The following TMEM132C variants were observed in gnomAD, a reference collection of about 807,000 sequenced individuals.
TMEM132C encodes transmembrane protein 132C, also known as protein phosphatase 1, regulatory subunit 152.
A neutral mutation model predicts 61.4 loss-of-function variants in TMEM132C; 29 were observed. The observed-to-expected ratio is 0.47, with a 90% CI of 0.35 to 0.64. The LOEUF is 0.64. Among genes scored for constraint, TMEM132C ranks in the 30% least tolerant of loss-of-function variants. TMEM132C has a pLI of 0.00. For missense variants in TMEM132C, 1,408 were observed against 1,476.9 expected (o/e 0.95, Z 0.76); for synonymous variants, 656 against 633.1 (o/e 1.04, Z -0.54).
At chr12:128,366,133 C>T (rs891512678) in intron 1 of TMEM132C, among the ~76,000 whole-genome samples, 6 of 152,172 alleles carry the variant, frequency 3.9e-5, no homozygotes, top group South Asian at 2.1e-4. Context: ...GGCGCCTGCT[C>T]GGCCTCCAGC....
intron 3 of TMEM132C, among the ~76,000 whole-genome samples, chr12:128,607,838 G>A (rs1432590509): frequency 1.3e-5 from 2 of 152,162 alleles, no homozygotes; most frequent in Non-Finnish European, 2.9e-5. Context: ...GTGGTTTTGA[G>A]AGCATAAATC....
intron 2 of TMEM132C, among the ~76,000 whole-genome samples, chr12:128,520,917 G>A (rs1048757801): frequency 2.6e-5 from 4 of 151,856 alleles, no homozygotes; most frequent in African/African-American, 7.2e-5. Flanking sequence ...GTTTGTTCCC[G>A]TGTGTTTTCT....
intron 2 of TMEM132C, among the ~76,000 whole-genome samples, chr12:128,453,834 T>C (rs1330346107): frequency 4.6e-5 from 7 of 152,152 alleles, no homozygotes; most frequent in Non-Finnish European, 1.0e-4. Flanking sequence ...TCTTTGGCCA[T>C]CTATAGAAAG....
intron 1 of TMEM132C, among the ~76,000 whole-genome samples, chr12:128,367,782 C>T (rs1421704040): frequency 6.6e-6 from 1 of 151,776 alleles, no homozygotes; most frequent in African/African-American, 2.4e-5. Flanking sequence ...ATAGTGATTA[C>T]ATGTTCAAAT....
chr12:128,515,606 G>T (rs899807612), intron 2 of TMEM132C, among the ~76,000 whole-genome samples: 7 of 152,194 alleles, frequency 4.6e-5, no homozygotes, highest in African/African-American at 1.7e-4. Flanking sequence ...GGCCGAGGCG[G>T]GTGGATCACG....
intron 3 of TMEM132C, among the ~76,000 whole-genome samples, chr12:128,604,828 AATAG>A (rs1017931162): frequency 2.1e-4 from 27 of 129,154 alleles, no homozygotes; most frequent in African/African-American, 4.6e-4. Flanking sequence ...ATGGATGGAT[AATAG>A]ATGGATAGAT....
intron 8 of TMEM132C, among the ~76,000 whole-genome samples, chr12:128,697,953 A>G (rs994124625): frequency 1.3e-5 from 2 of 152,014 alleles, no homozygotes; most frequent in Non-Finnish European, 2.9e-5. Context: ...GCTCTTTCTC[A>G]TTTTCATACC....
intron 2 of TMEM132C, among the ~76,000 whole-genome samples, chr12:128,509,721 T>C (rs894220173): frequency 2.0e-5 from 3 of 151,754 alleles, no homozygotes; most frequent in African/African-American, 7.3e-5. Flanking sequence ...CTGGGGAAAA[T>C]TCCAGAAGGT....
At chr12:128,612,800 A>C (rs1013925434) in intron 3 of TMEM132C, among the ~76,000 whole-genome samples, 5 of 152,226 alleles carry the variant, frequency 3.3e-5, no homozygotes, top group African/African-American at 1.2e-4. Flanking sequence ...TTTCAAGCCA[A>C]AAGGAAAAAT....
At chr12:128,473,933 G>T (rs532509309) in intron 2 of TMEM132C, among the ~76,000 whole-genome samples, 2 of 152,216 alleles carry the variant, frequency 1.3e-5, no homozygotes, top group Non-Finnish European at 2.9e-5. Flanking sequence ...GGATGTTGAA[G>T]TATCTTTTGG....
intron 1 of TMEM132C, among the ~76,000 whole-genome samples, chr12:128,317,977 C>T (rs986510536): frequency 1.3e-5 from 2 of 152,120 alleles, no homozygotes; most frequent in African/African-American, 4.8e-5. Context: ...GCTATGGTCT[C>T]AGAGAAGACA....
At chr12:128,312,800 G>C (rs954818960) in intron 1 of TMEM132C, among the ~76,000 whole-genome samples, 1 of 152,216 alleles carries the variant, frequency 6.6e-6, no homozygotes, top group African/African-American at 2.4e-5. Context: ...AATTTATTAT[G>C]GCAGCTCTGG....
chr12:128,298,655 T>C (rs1215652194), intron 1 of TMEM132C, among the ~76,000 whole-genome samples: 2 of 152,206 alleles, frequency 1.3e-5, no homozygotes, highest in East Asian at 3.9e-4. Context: ...AGAGCCTCCC[T>C]CCTGCTACCT....
chr12:128,482,222 C>A (rs1477548233), intron 2 of TMEM132C, among the ~76,000 whole-genome samples: 1 of 152,158 alleles, frequency 6.6e-6, no homozygotes, highest in Non-Finnish European at 1.5e-5. Flanking sequence ...GTTGAACCAG[C>A]CTTGCATCCC....
intron 2 of TMEM132C, among the ~76,000 whole-genome samples, chr12:128,431,550 CTTTTT>C (rs386378189): frequency 1.0e-5 from 1 of 98,904 alleles, no homozygotes; most frequent in Non-Finnish European, 1.9e-5. Context: ...CCATCTAGGA[CTTTTT>C]TTTTTTTTTT....
At chr12:128,629,830 G>A (rs538532603) in intron 4 of TMEM132C, among the ~76,000 whole-genome samples, 1 of 152,212 alleles carries the variant, frequency 6.6e-6, no homozygotes, top group African/African-American at 2.4e-5. Context: ...GCTGGGCGTG[G>A]TGGTGCACAC....
chr12:128,268,516 G>T (rs1362851658), intron 1 of TMEM132C, among the ~76,000 whole-genome samples: 1 of 151,986 alleles, frequency 6.6e-6, no homozygotes, highest in Non-Finnish European at 1.5e-5. Context: ...TGCTCCCCGC[G>T]CCCTGGCGAA....
intron 2 of TMEM132C, among the ~76,000 whole-genome samples, chr12:128,512,736 A>G (rs1016368934): frequency 1.6e-4 from 25 of 152,302 alleles, no homozygotes; most frequent in African/African-American, 5.1e-4. Context: ...GCCGCTGTGA[A>G]GTGGCACTGT....
At chr12:128,392,916 T>C (rs1487681704) in intron 1 of TMEM132C, among the ~76,000 whole-genome samples, 1 of 152,218 alleles carries the variant, frequency 6.6e-6, no homozygotes, top group Non-Finnish European at 1.5e-5. Context: ...AGAAGCTTGA[T>C]TGATACGTTT....
Sources: gnomAD v4.1 joint callset for allele counts (sites outside exome capture counted in the v4.1 genomes callset) on GRCh38, gnomAD v4.1.1 for gene constraint, MANE v1.5 for transcripts, NCBI Gene and HGNC (gene_info 2026-07-23, HGNC 2026-07-21) for gene names.